The following PEAK1 variants were observed in gnomAD, a reference collection of about 807,000 sequenced individuals.
PEAK1 encodes the protein pseudopodium enriched atypical kinase 1.
A neutral mutation model predicts 124.7 loss-of-function variants in PEAK1; 54 were observed. The observed-to-expected ratio is 0.43, with a 90% CI of 0.35 to 0.54. The LOEUF is 0.54. Among genes scored for constraint, PEAK1 ranks in the 20% least tolerant of loss-of-function variants. The probability of loss-of-function intolerance (pLI) is 0.01; values close to 1 mark genes in which losing one functional copy is unlikely to be tolerated. For missense variants in PEAK1, 2,046 were observed against 2,134.5 expected (o/e 0.96, Z 0.82); for synonymous variants, 719 against 760.0 (o/e 0.95, Z 0.89).
At chr15:77,125,150 G>A (rs1373575943) in intron 9 of PEAK1, among the ~76,000 whole-genome samples, 1 of 152,108 alleles carries the variant, frequency 6.6e-6, no homozygotes, top group Middle Eastern at 3.2e-3. Flanking sequence ...AATATTTATT[G>A]AATGCCAGCT....
chr15:77,241,109 G>A (rs2060337363), intron 6 of PEAK1, among the ~76,000 whole-genome samples: 2 of 152,114 alleles, frequency 1.3e-5, no homozygotes, highest in South Asian at 4.1e-4. Flanking sequence ...AAATGTTCCT[G>A]TTGTATGTAA....
intron 9 of PEAK1, among the ~76,000 whole-genome samples, chr15:77,119,203 C>T (rs1041685583): frequency 6.6e-6 from 1 of 152,232 alleles, no homozygotes; most frequent in Non-Finnish European, 1.5e-5. Context: ...GGCACAGTGA[C>T]CCTCGCCCAC....
intron 1 of PEAK1, among the ~76,000 whole-genome samples, chr15:77,370,133 A>T (rs2068540981): frequency 6.6e-6 from 1 of 152,162 alleles, no homozygotes; most frequent in Non-Finnish European, 1.5e-5. Context: ...TAAACCAAGC[A>T]AATTAAGCTA....
chr15:77,307,288 GTT>G (rs144467817), intron 2 of PEAK1, among the ~76,000 whole-genome samples: 2,067 of 152,120 alleles, frequency 0.014, 44 homozygotes, highest in African/African-American at 0.046. Context: ...TGGACACAAT[GTT>G]TGGTTAAACC....
At chr15:77,297,740 A>G (rs1157617730) in intron 2 of PEAK1, among the ~76,000 whole-genome samples, 6 of 123,138 alleles carry the variant, frequency 4.9e-5, no homozygotes, top group African/African-American at 1.7e-4. Flanking sequence ...GCCTGGCAAC[A>G]GAGTGAGATT....
intron 6 of PEAK1, among the ~76,000 whole-genome samples, chr15:77,220,956 A>T: frequency 6.6e-6 from 1 of 152,252 alleles, no homozygotes; most frequent in African/African-American, 2.4e-5. Context: ...AATGTATATA[A>T]ACTTAATAAA....
At chr15:77,129,942 T>C (rs1377007751) in intron 9 of PEAK1, among the ~76,000 whole-genome samples, 4 of 152,198 alleles carry the variant, frequency 2.6e-5, no homozygotes, top group Non-Finnish European at 5.9e-5. Flanking sequence ...AGAGCCCTAA[T>C]AGTACAATCA....
chr15:77,246,284 G>A (rs1345096152), intron 6 of PEAK1, among the ~76,000 whole-genome samples: 1 of 152,170 alleles, frequency 6.6e-6, no homozygotes, highest in Non-Finnish European at 1.5e-5. Context: ...TGGGATTACA[G>A]GCGTGAGCCA....
intron 2 of PEAK1, among the ~76,000 whole-genome samples, chr15:77,358,711 A>G (rs79399375): frequency 0.023 from 3,440 of 152,350 alleles, 143 homozygotes; most frequent in African/African-American, 0.078. Flanking sequence ...TACAAAGTGC[A>G]GTGATAGCTT....
chr15:77,137,888 C>T (rs900643707), intron 8 of PEAK1, among the ~76,000 whole-genome samples: 15 of 152,046 alleles, frequency 9.9e-5, no homozygotes, highest in Non-Finnish European at 1.2e-4. Flanking sequence ...TCTTGAATTC[C>T]CACATGTTGT....
intron 8 of PEAK1, among the ~76,000 whole-genome samples, chr15:77,142,879 G>T (rs1464135427): frequency 6.6e-6 from 1 of 152,124 alleles, no homozygotes; most frequent in Non-Finnish European, 1.5e-5. Context: ...TTGGGATGAT[G>T]AAAATGCTCT....
Position 77,214,110 on chromosome 15 carries a change from G to A in PEAK1, c.-114-32070C>T, listed in dbSNP as rs2059031376. Among the ~76,000 whole-genome samples the A allele has an allele frequency of 2.6e-5, 4 of 151,726 alleles. No individual in the cohort carries two copies. In the South Asian group the frequency reaches 8.3e-4, roughly 32 times the overall value. On this transcript the variant is annotated intron_variant, in intron 6 of 9. Coordinates refer to ENST00000682557, the MANE Select transcript of PEAK1 (RefSeq NM_001385026.1). ...TTAATCTTGTGTGTATCATTATTTC[G>A]CTCCTTTTTATGGCTAGTATGATTC...
intron 6 of PEAK1, among the ~76,000 whole-genome samples, chr15:77,197,473 A>G: frequency 6.6e-6 from 1 of 152,332 alleles, no homozygotes; most frequent in Non-Finnish European, 1.5e-5. Context: ...ATGATTAAAT[A>G]ATCTTTTGAA....
intron 7 of PEAK1, among the ~76,000 whole-genome samples, chr15:77,176,277 GAA>G (rs71211213): frequency 1.9e-5 from 2 of 103,326 alleles, no homozygotes; most frequent in African/African-American, 7.1e-5. Context: ...AAAAAGAAAA[GAA>G]AAAAAAAAAG....
intron 6 of PEAK1, among the ~76,000 whole-genome samples, chr15:77,206,462 A>G (rs1306524505): frequency 3.4e-5 from 5 of 146,672 alleles, no homozygotes; most frequent in African/African-American, 1.3e-4. Flanking sequence ...AAGTGTTCCT[A>G]TTTCTCCACA....
At chr15:77,207,763 C>A (rs996550398) in intron 6 of PEAK1, among the ~76,000 whole-genome samples, 2 of 152,144 alleles carry the variant, frequency 1.3e-5, no homozygotes, top group Admixed American at 1.3e-4. Flanking sequence ...ATACATTACA[C>A]AGTTGTCATT....
chr15:77,139,214 G>A (rs917008549), intron 8 of PEAK1, among the ~76,000 whole-genome samples: 9 of 152,138 alleles, frequency 5.9e-5, no homozygotes, highest in African/African-American at 2.2e-4. Flanking sequence ...CCAGTGGCAG[G>A]TCTTCAGGGG....
intron 7 of PEAK1, among the ~76,000 whole-genome samples, chr15:77,165,697 G>T (rs1312337955): frequency 1.3e-5 from 2 of 152,192 alleles, no homozygotes; most frequent in African/African-American, 4.8e-5. Flanking sequence ...ATGTAGGGCA[G>T]GAATGGGACC....
At chr15:77,375,809 C>G (rs911979242) in intron 1 of PEAK1, among the ~76,000 whole-genome samples, 31 of 152,188 alleles carry the variant, frequency 2.0e-4, no homozygotes, top group Admixed American at 9.2e-4. Context: ...TCCTGGCTAA[C>G]ACGGTGAAAC....
Sources: gnomAD v4.1 joint callset for allele counts (sites outside exome capture counted in the v4.1 genomes callset) on GRCh38, gnomAD v4.1.1 for gene constraint, MANE v1.5 for transcripts, NCBI Gene and HGNC (gene_info 2026-07-23, HGNC 2026-07-21) for gene names.